SORCS1: variants seen among roughly 807,000 people sequenced by gnomAD.
The protein encoded by SORCS1 is VPS10 domain-containing receptor SorCS1.
SORCS1 carries 60 observed loss-of-function variants against 146.1 expected under a neutral mutation model. The observed-to-expected ratio is 0.41, with a 90% CI of 0.33 to 0.51. SORCS1 has a LOEUF of 0.51. Ranked by LOEUF, SORCS1 falls within the 20% of genes least tolerant of loss-of-function variation. SORCS1 has a pLI of 0.21. For synonymous variants in SORCS1, 637 were observed against 584.0 expected (o/e 1.09, Z -1.31); for missense variants, 1,352 against 1,487.6 (o/e 0.91, Z 1.50).
intron 1 of SORCS1, among the ~76,000 whole-genome samples, chr10:107,019,125 C>T (rs936619919): frequency 2.6e-5 from 4 of 152,158 alleles, no homozygotes; most frequent in Non-Finnish European, 4.4e-5. Flanking sequence ...TCCTAAGCAT[C>T]ACATAAATAT....
chr10:106,658,745 C>A (rs773875108), intron 17 of SORCS1, among the ~76,000 whole-genome samples: 3 of 152,110 alleles, frequency 2.0e-5, no homozygotes, highest in African/African-American at 4.8e-5. Context: ...ATTAAAAGAG[C>A]TATGTAACTA....
At chr10:107,104,376 G>C (rs752820097) in intron 1 of SORCS1, among the ~76,000 whole-genome samples, 1 of 152,184 alleles carries the variant, frequency 6.6e-6, no homozygotes, top group Non-Finnish European at 1.5e-5. Context: ...TCTGGAAATT[G>C]AATATGTTTG....
At chr10:106,592,777 C>CTTT (rs568910860) in intron 24 of SORCS1, among the ~76,000 whole-genome samples, 2 of 141,376 alleles carry the variant, frequency 1.4e-5, no homozygotes, top group Non-Finnish European at 1.6e-5. Context: ...CACTGTTTCT[C>CTTT]TTTTTTTTTT....
At chr10:107,043,633 T>C (rs1323510370) in intron 1 of SORCS1, among the ~76,000 whole-genome samples, 1 of 152,148 alleles carries the variant, frequency 6.6e-6, no homozygotes, top group Non-Finnish European at 1.5e-5. Context: ...TGTCTTCAGC[T>C]GTTCAAGGTC....
At chr10:106,624,700 C>T (rs533893015) in intron 19 of SORCS1, among the ~76,000 whole-genome samples, 17 of 152,216 alleles carry the variant, frequency 1.1e-4, no homozygotes, top group Non-Finnish European at 2.1e-4. Context: ...ACACATAGTA[C>T]GTTGGCCTTG....
intron 23 of SORCS1, chr10:106,600,863 G>C (rs1368660014): frequency 4.2e-6 from 1 of 236,940 alleles, no homozygotes; most frequent in Admixed American, 6.5e-5. Flanking sequence ...GACAGCAGAA[G>C]AGAGTTGGAG....
At chr10:107,141,199 T>C (rs947865455) in intron 1 of SORCS1, among the ~76,000 whole-genome samples, 9 of 152,146 alleles carry the variant, frequency 5.9e-5, no homozygotes, top group Admixed American at 2.0e-4. Flanking sequence ...CAAAAACCCA[T>C]GTGCACTCAA....
rs560036800 is a variant in SORCS1 at position 106,638,314 on chromosome 10, T to C, written c.2476-8926A>G. 9.2e-5 allele frequency among the ~76,000 whole-genome samples: 14 copies of C among 152,290 alleles called. 1 individual carries two copies. Among genetic ancestry groups the C allele is most frequent in the Admixed American group, 9.2e-4 (14 of 15,294 alleles). On this transcript the variant is annotated intron_variant, in intron 18 of 25. Transcript: ENST00000263054. ...ACTTTAAAAATGGTAGGAAGTTTCC[T>C]TTAGGAATAAATCTCTATAGAACCA...
chr10:107,119,613 T>C (rs951058445), intron 1 of SORCS1, among the ~76,000 whole-genome samples: 18 of 152,096 alleles, frequency 1.2e-4, no homozygotes, highest in Non-Finnish European at 2.4e-4. Context: ...TCCAAGAAAA[T>C]CTTTGGCCAG....
At chr10:106,646,252 C>A (rs1165357470) in intron 18 of SORCS1, among the ~76,000 whole-genome samples, 1 of 151,260 alleles carries the variant, frequency 6.6e-6, no homozygotes, top group Non-Finnish European at 1.5e-5. Flanking sequence ...GACTCCATCT[C>A]AAAAAAATAA....
intron 5 of SORCS1, among the ~76,000 whole-genome samples, chr10:106,757,887 T>C (rs1858774132): frequency 1.3e-5 from 2 of 152,200 alleles, no homozygotes; most frequent in South Asian, 2.1e-4. Flanking sequence ...TTAGCCAAAT[T>C]ACTTACCTTC....
At chr10:107,086,916 C>T (rs529530742) in intron 1 of SORCS1, among the ~76,000 whole-genome samples, 2 of 152,340 alleles carry the variant, frequency 1.3e-5, no homozygotes, top group South Asian at 4.1e-4. Flanking sequence ...GTAGTCCCAG[C>T]TACTCGGGAG....
At chr10:107,149,917 C>T (rs1968631593) in intron 1 of SORCS1, among the ~76,000 whole-genome samples, 1 of 152,210 alleles carries the variant, frequency 6.6e-6, no homozygotes, top group African/African-American at 2.4e-5. Flanking sequence ...TTCTCCTACC[C>T]CGCCCTATTC....
intron 3 of SORCS1, among the ~76,000 whole-genome samples, chr10:106,795,546 G>A (rs1041853800): frequency 6.6e-6 from 1 of 152,136 alleles, no homozygotes; most frequent in African/African-American, 2.4e-5. Flanking sequence ...CGTGATGTGG[G>A]GTTGCTGGCT....
chr10:106,904,497 G>A (rs1337013497), intron 2 of SORCS1, among the ~76,000 whole-genome samples: 1 of 152,200 alleles, frequency 6.6e-6, no homozygotes, highest in Non-Finnish European at 1.5e-5. Flanking sequence ...CTCTGGGTGT[G>A]TGAGGATTGT....
At chr10:107,109,708 T>C (rs1313322849) in intron 1 of SORCS1, among the ~76,000 whole-genome samples, 1 of 152,250 alleles carries the variant, frequency 6.6e-6, no homozygotes, top group Non-Finnish European at 1.5e-5. Context: ...GGTTGCTACG[T>C]AGCCTGCTTG....
At chr10:106,823,549 C>T (rs1948156077) in intron 3 of SORCS1, among the ~76,000 whole-genome samples, 1 of 152,140 alleles carries the variant, frequency 6.6e-6, no homozygotes, top group Non-Finnish European at 1.5e-5. Context: ...TATTGGACAC[C>T]TACTGTATAC....
chr10:106,578,066 T>TGG (rs1164526895), intron 25 of SORCS1: 1 of 154,094 alleles, frequency 6.5e-6, no homozygotes, highest in African/African-American at 2.4e-5. Flanking sequence ...GCCTTCTAGG[T>TGG]GGTTTGGCAT....
chr10:106,765,681 G>A (rs1472296729), intron 4 of SORCS1, among the ~76,000 whole-genome samples: 6 of 151,890 alleles, frequency 4.0e-5, no homozygotes, highest in African/African-American at 1.5e-4. Flanking sequence ...AGATGAAGAT[G>A]GGATGAGAGA....
Sources: gnomAD v4.1 joint callset for allele counts (sites outside exome capture counted in the v4.1 genomes callset) on GRCh38, gnomAD v4.1.1 for gene constraint, MANE v1.5 for transcripts, NCBI Gene and HGNC (gene_info 2026-07-23, HGNC 2026-07-21) for gene names.